The following TMEM192 variants were observed in gnomAD, a reference collection of about 807,000 sequenced individuals.
The protein encoded by TMEM192 is transmembrane protein 192.
In TMEM192, 20 loss-of-function variants were observed where a neutral mutation model predicts 26.7. That is an observed-to-expected ratio of 0.75 (90% CI 0.53 to 1.09). The LOEUF is 1.09. Among genes scored for constraint, TMEM192 ranks in the 50% least tolerant of loss-of-function variants. The pLI, the probability that TMEM192 is intolerant of heterozygous loss-of-function variation, is 0.00. For synonymous variants in TMEM192, 124 were observed against 121.0 expected (o/e 1.02, Z -0.16); for missense variants, 304 against 322.6 (o/e 0.94, Z 0.44).
chr4:165,106,772 T>C (rs1476512528), intron 1 of TMEM192, among the ~76,000 whole-genome samples: 4 of 152,218 alleles, frequency 2.6e-5, no homozygotes, highest in African/African-American at 9.6e-5. Context: ...TTTGAGGCTT[T>C]TGAACTTGGA....
At chr4:165,100,117 A>G (rs972389426) in intron 3 of TMEM192, among the ~76,000 whole-genome samples, 1 of 152,088 alleles carries the variant, frequency 6.6e-6, no homozygotes, top group African/African-American at 2.4e-5. Flanking sequence ...AACAAATAAC[A>G]GATTTCAAAT....
rs1259387786 is a variant in TMEM192, at chr4:165,073,051, T to G, written c.*6607A>C. 6.6e-6 allele frequency: 1 copy of G among 151,406 alleles called. No homozygotes were observed. The highest frequency in any genetic ancestry group is 1.5e-5 in the Non-Finnish European group (1 of 68,058). 9.4% of individuals were successfully genotyped at this position (151,406 alleles called of 1,614,324 possible). A position where few individuals can be genotyped will look rare whatever the true frequency, so the allele number is the denominator to read the frequency against. ...TTGCAAAGCAGACAAAAGAAGAAGC[T>G]AGTGAAGTAGAAGAAAATGAGGAGA... On this transcript the variant is annotated 3_prime_UTR_variant, in exon 6 of 6. Coordinates refer to ENST00000306480, the MANE Select transcript of TMEM192 (RefSeq NM_001100389.2).
chr4:165,107,530 G>A (rs1001564842), intron 1 of TMEM192, among the ~76,000 whole-genome samples: 1 of 151,594 alleles, frequency 6.6e-6, no homozygotes, highest in Non-Finnish European at 1.5e-5. Context: ...TTTTAGTAAA[G>A]GTGAGATTTC....
intron 5 of TMEM192, among the ~76,000 whole-genome samples, chr4:165,084,600 A>G (rs967079288): frequency 1.1e-4 from 16 of 151,932 alleles, no homozygotes; most frequent in African/African-American, 3.9e-4. Flanking sequence ...TAGATCCAAA[A>G]GCAGGATGAG....
chr4:165,112,798 C>T lies in TMEM192; in HGVS notation c.-25G>A, dbSNP rs754536930. The T allele has an allele frequency of 6.2e-7, 1 of 1,604,408 alleles. No individual in the cohort carries two copies. The highest frequency in any genetic ancestry group is 1.3e-5 in the African/African-American group (1 of 74,636). ...TTTCCCGACGCCGGAGGCCGAAGCCCTGGCCAGCCCGGCCTCTCCACCTGG... is the reference window on the plus strand; with the variant it reads ...TTTCCCGACGCCGGAGGCCGAAGCCTTGGCCAGCCCGGCCTCTCCACCTGG... On this transcript the variant is annotated 5_prime_UTR_variant, in exon 1 of 6. Coordinates refer to ENST00000306480, the MANE Select transcript of TMEM192 (RefSeq NM_001100389.2).
In TMEM192 at chr4:165,100,727, T is replaced by C; in HGVS notation, c.340A>G (p.Ile114Val). The C allele has an allele frequency of 3.7e-6, 6 of 1,614,098 alleles. No homozygotes were observed. Among genetic ancestry groups the C allele is most frequent in the Non-Finnish European group, 5.1e-6 (6 of 1,180,034 alleles). Residue 114 changes from isoleucine (I) to valine (V), a missense_variant, in exon 3 of 6, where the codon ATC becomes GTC. Transcript: ENST00000306480. ...CTGATTTTGCTGTGGTGATACTGGA[T>C]GTAGCATTCAAGGAGTAAATGGAGA... ...WILHLLLECY[I>V]QYHHSKIRNR... is the part of the protein sequence containing the mutation.
intron 1 of TMEM192, 115 bp from the exon 2 acceptor site, chr4:165,103,211 C>T (rs894382760): frequency 8.4e-6 from 7 of 835,960 alleles, no homozygotes; most frequent in African/African-American, 3.5e-5. Context: ...GGCAAGAGAA[C>T]ACATTGCCTA....
intron 4 of TMEM192, among the ~76,000 whole-genome samples, chr4:165,087,708 G>A (rs1734655169): frequency 1.3e-5 from 2 of 152,180 alleles, no homozygotes. Context: ...GGGAGGCCAA[G>A]GCGGGCGGAT....
chr4:165,107,050 A>C (rs149811282), intron 1 of TMEM192, among the ~76,000 whole-genome samples: 1 of 150,676 alleles, frequency 6.6e-6, no homozygotes, highest in African/African-American at 2.4e-5. Flanking sequence ...TTTGAGACAG[A>C]GTCTTGCTCT....
At chr4:165,105,778 GCCA>G (rs1202394557) in intron 1 of TMEM192, among the ~76,000 whole-genome samples, 3 of 152,180 alleles carry the variant, frequency 2.0e-5, no homozygotes, top group East Asian at 3.8e-4. Context: ...ACAGGTGTGA[GCCA>G]CCACACTTGG....
At chr4:165,112,638 G>C in intron 1 of TMEM192, 109 bp downstream of exon 1, 1 of 1,496,800 alleles carries the variant, frequency 6.7e-7, no homozygotes. Flanking sequence ...CTTCGGCCGC[G>C]GCCGCAGTCG....
intron 3 of TMEM192, among the ~76,000 whole-genome samples, chr4:165,092,684 T>C (rs116633506): frequency 0.04 from 6,134 of 152,282 alleles, 158 homozygotes; most frequent in Middle Eastern, 0.14. Flanking sequence ...AGTCTGATCC[T>C]GAGAGGGAAA....
chr4:165,102,356 A>T (rs1230662979), intron 2 of TMEM192, among the ~76,000 whole-genome samples: 1 of 152,184 alleles, frequency 6.6e-6, no homozygotes, highest in African/African-American at 2.4e-5. Flanking sequence ...AGTAAATTAT[A>T]TTAGTGTCTC....
At chr4:165,080,745 A>C (rs1734501035) in intron 5 of TMEM192, among the ~76,000 whole-genome samples, 1 of 152,110 alleles carries the variant, frequency 6.6e-6, no homozygotes, top group African/African-American at 2.4e-5. Flanking sequence ...GACAGAGTCT[A>C]GCTCTGTTGC....
chr4:165,074,696 G>A lies in TMEM192; in HGVS notation c.*4962C>T, dbSNP rs1376087304. On this transcript the variant is annotated 3_prime_UTR_variant, in exon 6 of 6. Transcript: ENST00000306480. ...CTGACCTCATGATCCGCCTGCCTCG[G>A]CCTCCCAAAGTGCTGGAATTACCGG... 2.0e-5 allele frequency: 3 copies of A among 151,516 alleles called. No individual in the cohort carries two copies. The highest frequency in any genetic ancestry group is 7.3e-5 in the African/African-American group (3 of 41,132). 9.4% of individuals were successfully genotyped at this position (151,516 alleles called of 1,614,324 possible). A position where few individuals can be genotyped will look rare whatever the true frequency, so the allele number is the denominator to read the frequency against.
At chr4:165,096,044 G>T (rs1734891623) in intron 3 of TMEM192, among the ~76,000 whole-genome samples, 1 of 150,942 alleles carries the variant, frequency 6.6e-6, no homozygotes, top group Non-Finnish European at 1.5e-5. Flanking sequence ...TGATCTGCCT[G>T]CCTCGACCTC....
chr4:165,095,313 T>C (rs1010373206), intron 3 of TMEM192, among the ~76,000 whole-genome samples: 1 of 152,216 alleles, frequency 6.6e-6, no homozygotes, highest in African/African-American at 2.4e-5. Context: ...GCACATGCTA[T>C]GCAGCCCCTC....
At chr4:165,111,214 C>T (rs987796456) in intron 1 of TMEM192, among the ~76,000 whole-genome samples, 7 of 152,222 alleles carry the variant, frequency 4.6e-5, no homozygotes, top group Non-Finnish European at 8.8e-5. Flanking sequence ...ATTCTCCTGC[C>T]TCCCCAGTAT....
chr4:165,078,854 A>C lies in TMEM192; in HGVS notation c.*804T>G, dbSNP rs1734449874. 1 of 152,170 alleles carries C rather than the reference A, an allele frequency of 6.6e-6. No homozygotes were observed. 9.4% of individuals were successfully genotyped at this position (152,170 alleles called of 1,614,324 possible). On this transcript the variant is annotated 3_prime_UTR_variant, in exon 6 of 6. Transcript: ENST00000306480. ...GCCCAGGCTGGAGTGCAGTGGCGTGATCTCGGCTCACTGCAAGCTCCGCCT... is the reference window on the plus strand; with the variant it reads ...GCCCAGGCTGGAGTGCAGTGGCGTGCTCTCGGCTCACTGCAAGCTCCGCCT...
Sources: gnomAD v4.1 joint callset for allele counts (sites outside exome capture counted in the v4.1 genomes callset) on GRCh38, gnomAD v4.1.1 for gene constraint, MANE v1.5 for transcripts, NCBI Gene and HGNC (gene_info 2026-07-23, HGNC 2026-07-21) for gene names.